UBE3D: variants seen among roughly 807,000 people sequenced by gnomAD.
UBE3D encodes the protein E3 ubiquitin-protein ligase E3D.
Under a neutral mutation model 49.6 loss-of-function variants are expected in UBE3D, and 48 were observed. The ratio of observed to expected loss-of-function variants is 0.97; its 90% CI spans 0.77 to 1.23. The LOEUF is 1.23. Ranked by LOEUF, UBE3D falls within the 50% of genes most tolerant of loss-of-function variation. The pLI, the probability that UBE3D is intolerant of heterozygous loss-of-function variation, is 0.00. For missense variants in UBE3D, 452 were observed against 468.4 expected (o/e 0.96, Z 0.32); for synonymous variants, 189 against 174.2 (o/e 1.08, Z -0.67).
Position 83,038,418 on chromosome 6 carries a change from G to C in UBE3D, c.665C>G (p.Ser222Ter). The C allele has an allele frequency of 1.2e-6, 2 of 1,610,916 alleles. No individual in the cohort carries two copies. The highest frequency in any genetic ancestry group is 1.7e-4 in the Middle Eastern group (1 of 6,052). The change falls in exon 5 of 10, where the codon TCA (serine) becomes TGA (stop). Residue 222 changes from serine to a stop codon, truncating the protein, a stop_gained and splice_region_variant. Transcript: ENST00000369747. LOFTEE classifies it high-confidence loss of function. ...GCTTCTTGTTATGAAATTCTTACCTGATGACACGGTCTCTCCCAACATTAC... is the reference window on the plus strand; with the variant it reads ...GCTTCTTGTTATGAAATTCTTACCTCATGACACGGTCTCTCCCAACATTAC... ...CKVMLGETVS[S>*]ETTKFYMTEI... is the part of the protein sequence containing the mutation.
chr6:83,044,368 G>C, intron 4 of UBE3D, 60 bp downstream of exon 4: 2 of 1,514,484 alleles, frequency 1.3e-6, no homozygotes, highest in South Asian at 2.3e-5. Flanking sequence ...GGAAAAGATT[G>C]AAGAAGTCAG....
chr6:82,923,828 GTTAAGT>G (rs2127737928), intron 9 of UBE3D, among the ~76,000 whole-genome samples: 1 of 152,188 alleles, frequency 6.6e-6, no homozygotes, highest in Admixed American at 6.5e-5. Flanking sequence ...TCATGACCAA[GTTAAGT>G]TTAACTCAAG....
intron 9 of UBE3D, among the ~76,000 whole-genome samples, chr6:82,918,192 T>A (rs1215869707): frequency 6.6e-6 from 1 of 152,016 alleles, no homozygotes; most frequent in Non-Finnish European, 1.5e-5. Flanking sequence ...AGTTGTATAT[T>A]TCTCTTCAAG....
chr6:82,961,554 G>A (rs987330054), intron 8 of UBE3D, among the ~76,000 whole-genome samples: 11 of 152,168 alleles, frequency 7.2e-5, no homozygotes, highest in Non-Finnish European at 1.2e-4. Context: ...CAAAGTCTGT[G>A]CTATTCGCAC....
At chr6:82,980,596 T>C (rs1582536445) in intron 8 of UBE3D, among the ~76,000 whole-genome samples, 1 of 152,132 alleles carries the variant, frequency 6.6e-6, no homozygotes, top group African/African-American at 2.4e-5. Context: ...TATTTGCCTA[T>C]TTTTGTTTTT....
At chr6:82,957,062 G>GAGGCTGCTGTGAGCCGA (rs1776206950) in intron 9 of UBE3D, among the ~76,000 whole-genome samples, 1 of 152,084 alleles carries the variant, frequency 6.6e-6, no homozygotes, top group African/African-American at 2.4e-5. Context: ...CTGGGAGGCG[G>GAGGCTGCTGTGAGCCGA]AGGCTGCTGT....
At chr6:83,039,006 T>A (rs1284286197) in intron 4 of UBE3D, among the ~76,000 whole-genome samples, 2 of 152,196 alleles carry the variant, frequency 1.3e-5, no homozygotes, top group African/African-American at 4.8e-5. Context: ...TTTTTCCACT[T>A]AGGATCGGCA....
At chr6:83,002,720 G>A (rs1435108271) in intron 8 of UBE3D, among the ~76,000 whole-genome samples, 2 of 152,180 alleles carry the variant, frequency 1.3e-5, no homozygotes, top group Admixed American at 6.5e-5. Context: ...GGGCTAGCTG[G>A]GCCCTTTTGG....
At chr6:82,940,847 G>A (rs914745659) in intron 9 of UBE3D, among the ~76,000 whole-genome samples, 3 of 152,178 alleles carry the variant, frequency 2.0e-5, no homozygotes, top group Admixed American at 6.5e-5. Context: ...CATCTTCAAT[G>A]AGCCCAATTT....
Position 83,023,988 on chromosome 6 carries a change from T to G in UBE3D, c.718A>C (p.Ser240Arg). Residue 240 changes from serine (S) to arginine (R), a missense_variant, in exon 6 of 10, where the codon AGT becomes CGT. Ser to Arg is a moderately radical substitution (Grantham distance 110). Coordinates refer to ENST00000369747, the MANE Select transcript of UBE3D (RefSeq NM_198920.3). ...TEIIIQSSER[S>R]FPIIPRSWFV... ...TTGTACCTTGGTATGATAGGAAAAC[T>G]CCTCTCAGATGACTGAATAATTATC... The G allele has an allele frequency of 6.5e-7, 1 of 1,534,214 alleles. No individual in the cohort carries two copies. The highest frequency in any genetic ancestry group is 8.7e-7 in the Non-Finnish European group (1 of 1,148,552).
intron 8 of UBE3D, among the ~76,000 whole-genome samples, chr6:83,005,576 G>A (rs1779918068): frequency 6.6e-6 from 1 of 151,554 alleles, no homozygotes; most frequent in Non-Finnish European, 1.5e-5. Flanking sequence ...TGAGACTAGG[G>A]GTTTAAGACC....
intron 9 of UBE3D, among the ~76,000 whole-genome samples, chr6:82,903,719 A>G (rs1340034197): frequency 1.3e-5 from 2 of 152,174 alleles, no homozygotes; most frequent in Non-Finnish European, 2.9e-5. Flanking sequence ...AATAAATACC[A>G]TTTATTTCTT....
chr6:82,923,387 G>A (rs768947125), intron 9 of UBE3D, among the ~76,000 whole-genome samples: 1 of 152,190 alleles, frequency 6.6e-6, no homozygotes, highest in Non-Finnish European at 1.5e-5. Flanking sequence ...CCATAAAAAA[G>A]GATGAGTTCA....
intron 9 of UBE3D, among the ~76,000 whole-genome samples, chr6:82,907,273 G>GA (rs1772170523): frequency 6.6e-6 from 1 of 152,182 alleles, no homozygotes; most frequent in South Asian, 2.1e-4. Context: ...CTATGCCATA[G>GA]AAAATTAAAG....
intron 3 of UBE3D, among the ~76,000 whole-genome samples, chr6:83,048,518 C>T (rs1011283990): frequency 6.6e-6 from 1 of 152,244 alleles, no homozygotes; most frequent in South Asian, 2.1e-4. Context: ...TCAAAACCCC[C>T]TACATGATCA....
intron 9 of UBE3D, among the ~76,000 whole-genome samples, chr6:82,953,039 A>G (rs1007592981): frequency 1.3e-5 from 2 of 152,208 alleles, no homozygotes; most frequent in African/African-American, 4.8e-5. Flanking sequence ...CTGCCATTGC[A>G]GGACTTCAGG....
downstream of UBE3D, among the ~76,000 whole-genome samples, chr6:82,888,228 A>G (rs1458924884): frequency 6.6e-6 from 1 of 151,680 alleles, no homozygotes; most frequent in Non-Finnish European, 1.5e-5. Flanking sequence ...GAGTTCAGCC[A>G]GAACCTCCAT....
At chr6:82,914,946 T>C (rs1582327210) in intron 9 of UBE3D, among the ~76,000 whole-genome samples, 1 of 152,206 alleles carries the variant, frequency 6.6e-6, no homozygotes, top group African/African-American at 2.4e-5. Context: ...TCTCACAGGA[T>C]GATCTTCATC....
intron 1 of UBE3D, among the ~76,000 whole-genome samples, chr6:83,065,255 AAG>A (rs1293305040): frequency 9.2e-5 from 14 of 152,258 alleles, no homozygotes; most frequent in African/African-American, 2.7e-4. Flanking sequence ...GAGGATCCCG[AAG>A]AGAGACAGAC....
Sources: allele counts gnomAD v4.1 joint callset (sites outside exome capture counted in the v4.1 genomes callset), GRCh38; gene constraint gnomAD v4.1.1; transcripts MANE v1.5; gene names NCBI Gene and HGNC (gene_info 2026-07-23, HGNC 2026-07-21).